Variants in ACADS observed in about 807,000 individuals in gnomAD.
The protein encoded by ACADS is acyl-CoA dehydrogenase short chain, also known as short-chain specific acyl-CoA dehydrogenase, mitochondrial.
ACADS carries 28 observed loss-of-function variants against 46.8 expected under a neutral mutation model. The ratio of observed to expected loss-of-function variants is 0.60; its 90% CI spans 0.44 to 0.82. The LOEUF (loss-of-function observed/expected upper bound fraction) is 0.82. Among genes scored for constraint, ACADS ranks in the 40% least tolerant of loss-of-function variants. The pLI is 0.00. For synonymous variants in ACADS, 236 were observed against 237.7 expected (o/e 0.99, Z 0.07); for missense variants, 528 against 578.0 (o/e 0.91, Z 0.89).
At chr12:120,734,158 C>A (rs1416148473) in intron 2 of ACADS, among the ~76,000 whole-genome samples, 1 of 152,226 alleles carries the variant, frequency 6.6e-6, no homozygotes, top group African/African-American at 2.4e-5. Context: ...CTGGGTGACT[C>A]TGATCATCCA....
intron 2 of ACADS, among the ~76,000 whole-genome samples, chr12:120,735,388 A>G (rs1015542372): frequency 1.6e-4 from 21 of 129,400 alleles, no homozygotes; most frequent in African/African-American, 6.2e-4. Context: ...CTTGGCAGCC[A>G]CTTGATGATA....
chr12:120,733,850 CAAAAAAAA>C (rs11405010), intron 2 of ACADS, among the ~76,000 whole-genome samples: 1 of 119,690 alleles, frequency 8.4e-6, no homozygotes, highest in Admixed American at 8.6e-5. Flanking sequence ...CCATCTCTAC[CAAAAAAAA>C]AAAAAAAAAA....
At chr12:120,731,541 A>T (rs1449462433) in intron 2 of ACADS, among the ~76,000 whole-genome samples, 2 of 148,636 alleles carry the variant, frequency 1.3e-5, no homozygotes, top group South Asian at 4.2e-4. Context: ...TGCAACCTCC[A>T]CCTCCTGGGT....
In ACADS at chr12:120,739,503, A is replaced by G. The variant is rs1883591096; in HGVS notation, c.*55A>G. On this transcript the variant is annotated 3_prime_UTR_variant, in exon 10 of 10. Coordinates refer to ENST00000242592, the MANE Select transcript of ACADS (RefSeq NM_000017.4). ...GAAGGCGCGGGAGCCAGGGGCCTCC[A>G]CCCCAACCCCGGCTCAGAGACTGGG... The G allele has an allele frequency of 3.8e-6, 6 of 1,579,792 alleles. No homozygotes were observed. Among genetic ancestry groups the G allele is most frequent in the Non-Finnish European group, 5.1e-6 (6 of 1,168,762 alleles).
chr12:120,738,188 G>T (rs762621763), intron 5 of ACADS, 92 bp from the exon 6 acceptor site: 1 of 1,600,150 alleles, frequency 6.2e-7, no homozygotes, highest in South Asian at 1.1e-5. Context: ...TTCTGAGGGA[G>T]GTGGGGAGGG....
Position 120,728,136 on chromosome 12 carries a change from G to A in ACADS, c.210+947G>A, listed in dbSNP as rs940006108. Among the ~76,000 whole-genome samples the A allele has an allele frequency of 1.3e-5, 2 of 151,864 alleles. No homozygotes were observed. The highest frequency in any genetic ancestry group is 4.8e-5 in the African/African-American group (2 of 41,342). On this transcript the variant is annotated intron_variant, in intron 2 of 9. Coordinates refer to ENST00000242592, the MANE Select transcript of ACADS (RefSeq NM_000017.4). The surrounding 1 kb of genome is among the most constrained non-coding windows in gnomAD (Gnocchi z 4.0). ...TAGTTTTTGTACTTTCAGTAGAGATGGGGTTTCTCCATGTTGGGCAGGCTG... is the reference window on the plus strand; with the variant it reads ...TAGTTTTTGTACTTTCAGTAGAGATAGGGTTTCTCCATGTTGGGCAGGCTG...
chr12:120,725,849 C>T lies in ACADS; in HGVS notation c.-37C>T, dbSNP rs1883062990. On this transcript the variant is annotated 5_prime_UTR_variant, in exon 1 of 10. Coordinates refer to ENST00000242592, the MANE Select transcript of ACADS (RefSeq NM_000017.4). ...GCACTCCGGAACAGCGCGCTCGCAG[C>T]GGGAGGTCGCGAAGCCTGGGACTGT... 6.5e-7 allele frequency: 1 copy of T among 1,530,364 alleles called. No homozygotes were observed. The highest frequency in any genetic ancestry group is 8.7e-7 in the Non-Finnish European group (1 of 1,145,598). The allele number at this position is 1,530,364 out of a possible 1,614,324, so 94.8% of individuals were successfully genotyped here.
At chr12:120,725,989 G>C (rs1883071334) in intron 1 of ACADS, 58 bp downstream of exon 1, 1 of 1,473,436 alleles carries the variant, frequency 6.8e-7, no homozygotes, top group African/African-American at 1.5e-5. Context: ...CCCAGCGGGC[G>C]GAGGTCCTGG....
chr12:120,729,367 C>T (rs901188326), intron 2 of ACADS, among the ~76,000 whole-genome samples: 4 of 150,106 alleles, frequency 2.7e-5, no homozygotes, highest in Non-Finnish European at 4.4e-5. Flanking sequence ...AAGTGATTAT[C>T]CTGCCTCAGC....
Position 120,728,754 on chromosome 12 carries a change from G to A in ACADS, c.210+1565G>A, listed in dbSNP as rs796382442. The stretch of plus-strand genomic sequence containing the variant: ...ACTCCTGAGCTCAGGCAATCCACCC[G>A]CCTCGGCCTCGCAAAGTGCTGGGAT... On this transcript the variant is annotated intron_variant, in intron 2 of 9. Coordinates refer to ENST00000242592, the MANE Select transcript of ACADS (RefSeq NM_000017.4). This position sits in a 1 kb window ranked among gnomAD's most constrained non-coding sequence, Gnocchi z 4.0. Among the ~76,000 whole-genome samples, 6 of 151,858 alleles carry A rather than the reference G, an allele frequency of 4.0e-5. No individual in the cohort carries two copies. Among genetic ancestry groups the A allele is most frequent in the African/African-American group, 1.5e-4 (6 of 41,338 alleles).
At position 120,727,209 on chromosome 12, in the gene ACADS, AGCCCACGATAGTGGTCT is replaced by A; in HGVS notation, c.210+25_210+41del. 6.2e-7 allele frequency: 1 copy of A among 1,614,074 alleles called. No homozygotes were observed. The highest frequency in any genetic ancestry group is 8.5e-7 in the Non-Finnish European group (1 of 1,179,934). On this transcript the variant is annotated intron_variant, in intron 2 of 9. Transcript: ENST00000242592. ...GCTCAGGTGAGAGTGCAACCTCAGC[AGCCCACGATAGTGGTCT>A]GCCCTCTGCTACTGGATGAATGGTG...
Position 120,725,922 on chromosome 12 carries a change from G to T in ACADS, c.37G>T (p.Ala13Ser). 3 of 1,553,934 alleles carry T rather than the reference G, an allele frequency of 1.9e-6. No individual in the cohort carries two copies. The highest frequency in any genetic ancestry group is 2.6e-6 in the Non-Finnish European group (3 of 1,159,334). The change falls in exon 1 of 10, where the codon GCC becomes TCC. Residue 13 changes from alanine to serine, a missense_variant. By Grantham distance (99) the Ala-to-Ser change is moderately conservative. Transcript: ENST00000242592. ...AALLARASGP[A>S]RRALCPRAWR... ...GCTGCTCGCCCGGGCCTCGGGCCCT[G>T]CCCGCAGAGGTGAGTGCGCTGGGGA...
Position 120,737,090 on chromosome 12 carries a change from C to A in ACADS, c.315C>A (p.Ile105=). The A allele has an allele frequency of 6.3e-7, 1 of 1,598,696 alleles. No individual in the cohort carries two copies. Among genetic ancestry groups the A allele is most frequent in the Non-Finnish European group, 8.5e-7 (1 of 1,172,536 alleles). Residue 105 remains isoleucine, a synonymous_variant, in exon 3 of 10, where the codon ATC becomes ATA. Coordinates refer to ENST00000242592, the MANE Select transcript of ACADS (RefSeq NM_000017.4). The part of the protein sequence containing the change: ...YLAYAIAMEE[I]SRGCASTGVI... ...CCTACGCCATCGCCATGGAGGAGATCAGCCGTGGCTGCGCCTCCACCGGAG... is the reference window on the plus strand; with the variant it reads ...CCTACGCCATCGCCATGGAGGAGATAAGCCGTGGCTGCGCCTCCACCGGAG...
rs555175307 is a variant in ACADS at position 120,734,665 on chromosome 12, G to C, written c.211-2321G>C. On this transcript the variant is annotated intron_variant, in intron 2 of 9. Transcript: ENST00000242592. ...TGGCTCGTGCCTCTAATCAGCATGA[G>C]GGAGGCTGAGGCAAGAGGATCACTC... 6.6e-5 allele frequency among the ~76,000 whole-genome samples: 10 copies of C among 152,168 alleles called. No individual in the cohort carries two copies. The East Asian group carries it at 1.7e-3, about 26-fold the overall frequency.
rs72432001 is a variant in ACADS at position 120,735,898 on chromosome 12, C to CAAAATAAAATAAAATAAAATAAAAT, written c.211-1080_211-1056dup. 0.016 allele frequency among the ~76,000 whole-genome samples: 2,322 copies of CAAAATAAAATAAAATAAAATAAAAT among 149,664 alleles called. 176 individuals carry two copies. The East Asian group carries it at 0.23, about 15-fold the overall frequency. The stretch of plus-strand genomic sequence containing the variant: ...TGGGCAACAGAACAATACTCTGTCA[C>CAAAATAAAATAAAATAAAATAAAAT]AAAATAAAATAAAATAAAATAAAAT... On this transcript the variant is annotated intron_variant, in intron 2 of 9. Coordinates refer to ENST00000242592, the MANE Select transcript of ACADS (RefSeq NM_000017.4).
intron 2 of ACADS, among the ~76,000 whole-genome samples, chr12:120,733,114 C>G (rs1047585771): frequency 6.6e-6 from 1 of 152,238 alleles, no homozygotes; most frequent in African/African-American, 2.4e-5. Context: ...CGCAGGCACT[C>G]GGCAGGCTGA....
chr12:120,731,977 C>T (rs1003089924), intron 2 of ACADS, among the ~76,000 whole-genome samples: 1 of 152,252 alleles, frequency 6.6e-6, no homozygotes, highest in Non-Finnish European at 1.5e-5. Flanking sequence ...TCAACAGCAT[C>T]CCAAGGCAGA....
chr12:120,732,588 C>T (rs1299900644), intron 2 of ACADS, among the ~76,000 whole-genome samples: 1 of 134,484 alleles, frequency 7.4e-6, no homozygotes, highest in Non-Finnish European at 1.6e-5. Context: ...CAGACGGGGT[C>T]GCGGCCGGGC....
chr12:120,739,793 C>T lies in ACADS; in HGVS notation c.*345C>T. ...TGGCATGAAGGCCCAGTGCGACAGG[C>T]CCTTGGTGGGGTCTGTCTTTTCCTT... On this transcript the variant is annotated 3_prime_UTR_variant, in exon 10 of 10. Transcript: ENST00000242592. 1 of 351,194 alleles carries T rather than the reference C, an allele frequency of 2.8e-6. No individual in the cohort carries two copies. The highest frequency in any genetic ancestry group is 5.4e-6 in the Non-Finnish European group (1 of 185,008). 21.8% of individuals were successfully genotyped at this position (351,194 alleles called of 1,614,324 possible). A position where few individuals can be genotyped will look rare whatever the true frequency, so the allele number is the denominator to read the frequency against.
Sources: gnomAD v4.1 joint callset for allele counts (sites outside exome capture counted in the v4.1 genomes callset) on GRCh38, gnomAD v4.1.1 for gene constraint, Gnocchi (gnomAD v3.1) non-coding constraint, MANE v1.5 for transcripts, NCBI Gene and HGNC (gene_info 2026-07-23, HGNC 2026-07-21) for gene names.